Variants in ADAM20 observed in about 807,000 individuals in gnomAD.
ADAM20 encodes the protein ADAM metallopeptidase domain 20.
For missense variants in ADAM20, 871 were observed against 883.2 expected (o/e 0.99, Z 0.18); for synonymous variants, 305 against 310.2 (o/e 0.98, Z 0.18).
At chr14:70,536,633 A>G (rs149446451), upstream of ADAM20, among the ~76,000 whole-genome samples, 210 of 152,228 alleles carry the variant, frequency 1.4e-3, no homozygotes, top group African/African-American at 4.9e-3. Context: ...TTGATCAAAA[A>G]CTACCTAAAT....
rs1883489128 is a variant in ADAM20, at chr14:70,523,071, T to A, written c.1687A>T (p.Arg563Trp). 1.9e-6 allele frequency: 3 copies of A among 1,613,838 alleles called. No individual in the cohort carries two copies. The East Asian group carries it at 6.7e-5, about 36-fold the overall frequency. ...KCWTPDIMCGRVQCENVGVIP... is the reference protein window; with the variant it reads ...KCWTPDIMCGWVQCENVGVIP... ...ACTCCCACATTTTCACACTGAACCC[T>A]CCCACACATGATATCAGGGGTCCAA... Residue 563 changes from arginine to tryptophan, a missense_variant, in exon 2 of 2, where the codon AGG becomes TGG. By Grantham distance (101) the Arg-to-Trp change is moderately radical. Coordinates refer to ENST00000256389, the MANE Select transcript of ADAM20 (RefSeq NM_003814.5).
At chr14:70,560,934 A>C in the ADAM20 span, among the ~76,000 whole-genome samples, 1 of 152,170 alleles carries the variant, frequency 6.6e-6, no homozygotes, top group Non-Finnish European at 1.5e-5. Flanking sequence ...TGGTACCAGG[A>C]GTGGGGCTCT....
At chr14:70,571,993 C>T in the ADAM20 span, among the ~76,000 whole-genome samples, 3 of 152,052 alleles carry the variant, frequency 2.0e-5, no homozygotes, top group African/African-American at 7.2e-5. Flanking sequence ...TACAAACAAA[C>T]GGAAAAACAT....
intron 1 of ADAM20, among the ~76,000 whole-genome samples, chr14:70,526,347 C>G (rs1883591016): frequency 6.6e-6 from 1 of 152,116 alleles, no homozygotes; most frequent in African/African-American, 2.4e-5. Flanking sequence ...ATGTGGGTGT[C>G]CAGAACTAAT....
At chr14:70,537,659 G>C (rs12587714), upstream of ADAM20, among the ~76,000 whole-genome samples, 24,995 of 152,052 alleles carry the variant, frequency 0.16, 2,978 homozygotes, top group East Asian at 0.49. Flanking sequence ...AGACACCCTC[G>C]GCTTCTTCTT....
At chr14:70,557,609 A>G in the ADAM20 span, 1 of 152,258 alleles carries the variant, frequency 6.6e-6, no homozygotes, top group African/African-American at 2.4e-5. Flanking sequence ...CAAAGAAAAC[A>G]TTTTTGGAAA....
At chr14:70,538,371 T>C (rs1338974663), upstream of ADAM20, among the ~76,000 whole-genome samples, 1 of 152,198 alleles carries the variant, frequency 6.6e-6, no homozygotes, top group Non-Finnish European at 1.5e-5. Flanking sequence ...TCCTGGCACA[T>C]AACCTAATCC....
rs571971472 is a variant in ADAM20 at position 70,529,267 on chromosome 14, T to G, written c.-176-4334A>C. On this transcript the variant is annotated intron_variant, in intron 1 of 1. Coordinates refer to ENST00000256389, the MANE Select transcript of ADAM20 (RefSeq NM_003814.5). The stretch of plus-strand genomic sequence containing the variant: ...AGGGCACACAAAATATTCTCCAGGA[T>G]AGTTCACATATTAGGTCATAAAACA... Among the ~76,000 whole-genome samples, 6 of 152,278 alleles carry G rather than the reference T, an allele frequency of 3.9e-5. No individual in the cohort carries two copies. The East Asian group carries it at 1.2e-3, about 29-fold the overall frequency.
At position 70,532,255 on chromosome 14, in the gene ADAM20, TA is replaced by T. The variant is rs368185130; in HGVS notation, c.-177+2541del. Among the ~76,000 whole-genome samples, 330 of 152,068 alleles carry T rather than the reference TA, an allele frequency of 2.2e-3. 2 individuals are homozygous for T. The highest frequency in any genetic ancestry group is 7.7e-3 in the African/African-American group (318 of 41,502). Reference sequence around the variant, plus strand: ...GAAAAATAGTCTCTTCCATAAGCAGTATTGGAAAAACTGGATATCCACATGC... The same window carrying T: ...GAAAAATAGTCTCTTCCATAAGCAGTTTGGAAAAACTGGATATCCACATGC... On this transcript the variant is annotated intron_variant, in intron 1 of 1. Coordinates refer to ENST00000256389, the MANE Select transcript of ADAM20 (RefSeq NM_003814.5).
upstream of ADAM20, among the ~76,000 whole-genome samples, chr14:70,537,254 G>T (rs1419265346): frequency 6.6e-6 from 1 of 152,134 alleles, no homozygotes; most frequent in Non-Finnish European, 1.5e-5. Context: ...GAGGGCTCAG[G>T]TTGGGGCTAC....
the ADAM20 span, among the ~76,000 whole-genome samples, chr14:70,541,428 T>C: frequency 6.6e-6 from 1 of 152,238 alleles, no homozygotes; most frequent in Non-Finnish European, 1.5e-5. Context: ...TTTGAAAAGT[T>C]AATTGTAAAG....
At chr14:70,567,848 G>A in the ADAM20 span, among the ~76,000 whole-genome samples, 1 of 152,076 alleles carries the variant, frequency 6.6e-6, no homozygotes. Context: ...TGCAACAGGG[G>A]CAAGATAGGG....
At position 70,524,073 on chromosome 14, in the gene ADAM20, T is replaced by C. The variant is rs928506538; in HGVS notation, c.685A>G (p.Thr229Ala). ...RYLFSQSNAT[T>A]VQHEVFNVVN... ...ACGTTAAATACTTCATGCTGCACTG[T>C]TGTTGCATTACTTTGAGAGAAAAGA... Residue 229 changes from threonine (T) to alanine (A), a missense_variant, in exon 2 of 2, where the codon ACA becomes GCA. Physicochemically the swap from Thr to Ala is moderately conservative, Grantham distance 58 (BLOSUM62 0). Coordinates refer to ENST00000256389, the MANE Select transcript of ADAM20 (RefSeq NM_003814.5). 6 of 1,613,978 alleles carry C rather than the reference T, an allele frequency of 3.7e-6. No individual in the cohort carries two copies. In the African/African-American group the frequency reaches 4.0e-5, roughly 11 times the overall value.
chr14:70,529,061 A>T (rs1050687349), intron 1 of ADAM20, among the ~76,000 whole-genome samples: 2 of 152,202 alleles, frequency 1.3e-5, no homozygotes, highest in African/African-American at 4.8e-5. Context: ...AATTTAAGGG[A>T]GAAATAGATA....
chr14:70,524,006 T>C lies in ADAM20; in HGVS notation c.752A>G (p.Asp251Gly), dbSNP rs957400272. ...VDSFYHPLEV[D>G]VILTGIDIWT... ...TATATCAATTCCAGTCAAAATTACA[T>C]CAACCTCCAAAGGATGATAGAAGGA... Residue 251 changes from aspartate to glycine, a missense_variant, in exon 2 of 2, where the codon GAT becomes GGT. By Grantham distance (94) the Asp-to-Gly change is moderately conservative. Coordinates refer to ENST00000256389, the MANE Select transcript of ADAM20 (RefSeq NM_003814.5). 3 of 1,613,948 alleles carry C rather than the reference T, an allele frequency of 1.9e-6. No individual in the cohort carries two copies. Among genetic ancestry groups the C allele is most frequent in the Admixed American group, 1.7e-5 (1 of 59,976 alleles).
intron 1 of ADAM20, among the ~76,000 whole-genome samples, chr14:70,529,813 T>G (rs1003901018): frequency 6.6e-6 from 1 of 152,238 alleles, no homozygotes; most frequent in Non-Finnish European, 1.5e-5. Context: ...GTAAACTTTA[T>G]AAACACTGTG....
the ADAM20 span, among the ~76,000 whole-genome samples, chr14:70,540,736 A>T: frequency 6.6e-6 from 1 of 152,170 alleles, no homozygotes; most frequent in Admixed American, 6.5e-5. Flanking sequence ...ACATGAAGGA[A>T]GTTTGCTTTG....
chr14:70,533,103 G>A (rs1451599267), intron 1 of ADAM20, among the ~76,000 whole-genome samples: 1 of 152,108 alleles, frequency 6.6e-6, no homozygotes, highest in African/African-American at 2.4e-5. Context: ...GGAAATAACA[G>A]ATGTTAGAGA....
chr14:70,554,422 G>C, the ADAM20 span, among the ~76,000 whole-genome samples: 4 of 152,158 alleles, frequency 2.6e-5, no homozygotes, highest in Non-Finnish European at 5.9e-5. Flanking sequence ...ATCTCAAAGA[G>C]ATAACTGCAC....
Sources: gnomAD v4.1 joint callset for allele counts (sites outside exome capture counted in the v4.1 genomes callset) on GRCh38, gnomAD v4.1.1 for gene constraint, MANE v1.5 for transcripts, NCBI Gene and HGNC (gene_info 2026-07-23, HGNC 2026-07-21) for gene names.